TUSC3: variants seen among roughly 807,000 people sequenced by gnomAD.
TUSC3 encodes dolichyl-diphosphooligosaccharide--protein glycosyltransferase subunit TUSC3.
A neutral mutation model predicts 44.8 loss-of-function variants in TUSC3; 45 were observed. The observed-to-expected ratio is 1.00, with a 90% CI of 0.79 to 1.29. The LOEUF (loss-of-function observed/expected upper bound fraction) is 1.29, where lower values mean the gene tolerates loss of function less well. Among genes scored for constraint, TUSC3 ranks in the 50% most tolerant of loss-of-function variants. The probability of loss-of-function intolerance (pLI) is 0.00; values close to 1 mark genes in which losing one functional copy is unlikely to be tolerated. For synonymous variants in TUSC3, 212 were observed against 152.9 expected (o/e 1.39, Z -2.85); for missense variants, 519 against 437.9 (o/e 1.19, Z -1.65).
intron 1 of TUSC3, among the ~76,000 whole-genome samples, chr8:15,582,610 G>C (rs980568469): frequency 9.9e-5 from 15 of 152,130 alleles, no homozygotes; most frequent in African/African-American, 3.4e-4. Context: ...GGTCAATCTT[G>C]GCACACCCAG....
intron 1 of TUSC3, among the ~76,000 whole-genome samples, chr8:15,432,984 C>A (rs1310466892): frequency 6.6e-6 from 1 of 152,044 alleles, no homozygotes; most frequent in East Asian, 1.9e-4. Context: ...TTTCTTTTTC[C>A]CTTCCCCTGC....
At chr8:15,489,640 C>T (rs1193190675) in intron 2 of TUSC3, among the ~76,000 whole-genome samples, 1 of 152,152 alleles carries the variant, frequency 6.6e-6, no homozygotes, top group African/African-American at 2.4e-5. Context: ...ACTACAGTTA[C>T]ATTGGAATTT....
At chr8:15,834,036 T>C in the TUSC3 span, among the ~76,000 whole-genome samples, 1 of 152,258 alleles carries the variant, frequency 6.6e-6, no homozygotes, top group South Asian at 2.1e-4. Flanking sequence ...TATCATACTA[T>C]TTATGAGTAT....
chr8:15,459,507 G>C (rs73534234), intron 1 of TUSC3, among the ~76,000 whole-genome samples: 1 of 151,924 alleles, frequency 6.6e-6, no homozygotes, highest in Non-Finnish European at 1.5e-5. Context: ...GGTACAGGTG[G>C]TGTTTGGTTA....
intron 3 of TUSC3, among the ~76,000 whole-genome samples, chr8:15,656,061 A>G (rs1048839686): frequency 1.3e-5 from 2 of 152,120 alleles, no homozygotes; most frequent in South Asian, 2.1e-4. Flanking sequence ...AATTTATTCA[A>G]CAGGAGTTTG....
chr8:15,710,252 C>A (rs2129199263), intron 6 of TUSC3, among the ~76,000 whole-genome samples: 1 of 151,956 alleles, frequency 6.6e-6, no homozygotes, highest in South Asian at 2.1e-4. Flanking sequence ...TTATTTGCTA[C>A]CACTTATGCT....
chr8:15,633,622 C>T (rs1212901608), intron 2 of TUSC3, among the ~76,000 whole-genome samples: 4 of 152,094 alleles, frequency 2.6e-5, no homozygotes, highest in African/African-American at 9.7e-5. Flanking sequence ...TGCATTGTTA[C>T]AGACACACAG....
At chr8:15,662,811 A>G (rs769097341) in intron 5 of TUSC3, among the ~76,000 whole-genome samples, 17 of 151,990 alleles carry the variant, frequency 1.1e-4, no homozygotes, top group South Asian at 2.1e-4. Context: ...TGACGGCAGT[A>G]AGTAACAGAG....
chr8:15,740,706 T>G (rs558517071), intron 7 of TUSC3, among the ~76,000 whole-genome samples: 35 of 152,318 alleles, frequency 2.3e-4, no homozygotes, highest in African/African-American at 8.2e-4. Context: ...ATTGCTCATT[T>G]TAGAGAGCAG....
chr8:15,479,373 A>G (rs542847255), intron 1 of TUSC3, among the ~76,000 whole-genome samples: 1 of 152,134 alleles, frequency 6.6e-6, no homozygotes, highest in African/African-American at 2.4e-5. Context: ...CTATGTTCCA[A>G]ATGGTATTGC....
chr8:15,775,700 AT>A, the TUSC3 span, among the ~76,000 whole-genome samples: 2 of 146,522 alleles, frequency 1.4e-5, no homozygotes, highest in South Asian at 4.2e-4. Context: ...ACACACACAC[AT>A]ATATACATAT....
chr8:15,706,139 G>C (rs773509856), intron 6 of TUSC3, among the ~76,000 whole-genome samples: 4 of 151,840 alleles, frequency 2.6e-5, no homozygotes, highest in Non-Finnish European at 4.4e-5. Flanking sequence ...TACTTCTGAT[G>C]TATTATAATA....
chr8:15,518,401 A>G (rs9643926), intron 2 of TUSC3, among the ~76,000 whole-genome samples: 17,664 of 152,210 alleles, frequency 0.12, 1,160 homozygotes, highest in Admixed American at 0.19. Context: ...AAATAGAAAA[A>G]TAGTAGGAAA....
chr8:15,778,245 G>A, the TUSC3 span, among the ~76,000 whole-genome samples: 1 of 152,070 alleles, frequency 6.6e-6, no homozygotes, highest in Non-Finnish European at 1.5e-5. Flanking sequence ...CACTTATTCT[G>A]AAAACTGCAA....
chr8:15,601,699 G>C (rs902189498), intron 1 of TUSC3, among the ~76,000 whole-genome samples: 1 of 151,620 alleles, frequency 6.6e-6, no homozygotes, highest in African/African-American at 2.4e-5. Context: ...CAAATCTTAG[G>C]AGGCTGGGAA....
At chr8:15,590,842 T>C (rs531950656) in intron 1 of TUSC3, among the ~76,000 whole-genome samples, 2 of 152,088 alleles carry the variant, frequency 1.3e-5, no homozygotes, top group African/African-American at 4.8e-5. Flanking sequence ...TGGCTAATTT[T>C]TTTGTATTTT....
chr8:15,817,606 C>T, the TUSC3 span, among the ~76,000 whole-genome samples: 1 of 151,642 alleles, frequency 6.6e-6, no homozygotes, highest in Admixed American at 6.6e-5. Flanking sequence ...TTCCCCTCCA[C>T]CTCTGCTCTG....
intron 2 of TUSC3, among the ~76,000 whole-genome samples, chr8:15,634,072 T>C (rs960213799): frequency 6.6e-6 from 1 of 152,202 alleles, no homozygotes; most frequent in Non-Finnish European, 1.5e-5. Context: ...TGAAGGTCTC[T>C]TACAACCCAT....
intron 2 of TUSC3, among the ~76,000 whole-genome samples, chr8:15,518,004 A>C (rs910338971): frequency 6.6e-6 from 1 of 151,630 alleles, no homozygotes; most frequent in East Asian, 1.9e-4. Flanking sequence ...CCCCATACAC[A>C]TTCGCACCTG....
Sources: gnomAD v4.1 joint callset for allele counts (sites outside exome capture counted in the v4.1 genomes callset) on GRCh38, gnomAD v4.1.1 for gene constraint, MANE v1.5 for transcripts, NCBI Gene and HGNC (gene_info 2026-07-23, HGNC 2026-07-21) for gene names.